ASIC2: variants seen among roughly 807,000 people sequenced by gnomAD.
ASIC2 encodes the protein acid-sensing ion channel 2.
Under a neutral mutation model 57.3 loss-of-function variants are expected in ASIC2, and 25 were observed. That is an observed-to-expected ratio of 0.44 (90% CI 0.32 to 0.61). The LOEUF (loss-of-function observed/expected upper bound fraction) is 0.61, where lower values mean the gene tolerates loss of function less well. ASIC2 is among the 20% of genes least tolerant of loss of function. ASIC2 has a pLI of 0.06. For synonymous variants in ASIC2, 319 were observed against 307.5 expected (o/e 1.04, Z -0.39); for missense variants, 641 against 738.1 (o/e 0.87, Z 1.52).
At chr17:33,922,692 A>C (rs1915732700) in intron 1 of ASIC2, among the ~76,000 whole-genome samples, 1 of 152,178 alleles carries the variant, frequency 6.6e-6, no homozygotes, top group Non-Finnish European at 1.5e-5. Context: ...AGCAATACTA[A>C]CCCCACCCCA....
At chr17:33,334,166 A>T (rs1047609888) in intron 1 of ASIC2, among the ~76,000 whole-genome samples, 1 of 152,212 alleles carries the variant, frequency 6.6e-6, no homozygotes, top group Non-Finnish European at 1.5e-5. Context: ...GGACTTCCAG[A>T]GTCTACATGT....
At chr17:34,015,989 T>G (rs902998940) in intron 1 of ASIC2, among the ~76,000 whole-genome samples, 3 of 152,244 alleles carry the variant, frequency 2.0e-5, no homozygotes, top group African/African-American at 7.2e-5. Flanking sequence ...AAACTCTTTT[T>G]ATATTGGACT....
chr17:33,145,096 A>T (rs766937625), intron 1 of ASIC2, among the ~76,000 whole-genome samples: 5 of 152,176 alleles, frequency 3.3e-5, no homozygotes, highest in Non-Finnish European at 7.3e-5. Flanking sequence ...ATTTATACAT[A>T]GTCTCTCAGC....
chr17:33,192,201 T>C (rs572592138), intron 1 of ASIC2, among the ~76,000 whole-genome samples: 1 of 152,186 alleles, frequency 6.6e-6, no homozygotes, highest in African/African-American at 2.4e-5. Context: ...GTCAACATGG[T>C]GAAACCTCAT....
chr17:33,269,130 C>T (rs1904343472), intron 1 of ASIC2, among the ~76,000 whole-genome samples: 1 of 152,166 alleles, frequency 6.6e-6, no homozygotes, highest in African/African-American at 2.4e-5. Flanking sequence ...TGGGTACTTG[C>T]TTTCCTGGGG....
In ASIC2 at chr17:33,219,469, T is replaced by C. The variant is rs1226895503; in HGVS notation, c.708+71939A>G. Among the ~76,000 whole-genome samples the C allele has an allele frequency of 3.3e-5, 5 of 152,202 alleles. No individual in the cohort carries two copies. In the East Asian group the frequency reaches 7.7e-4, roughly 23 times the overall value. On this transcript the variant is annotated intron_variant, in intron 1 of 9. Transcript: ENST00000225823. Reference sequence around the variant, plus strand: ...CACTCTCAGCATGTTATATCCATTATCTCCTTGAAGCCTTCCAACAACACT... The same window carrying C: ...CACTCTCAGCATGTTATATCCATTACCTCCTTGAAGCCTTCCAACAACACT...
intron 1 of ASIC2, among the ~76,000 whole-genome samples, chr17:33,889,206 G>C (rs546153366): frequency 5.9e-5 from 9 of 152,268 alleles, no homozygotes; most frequent in South Asian, 4.1e-4. Context: ...GAGCTGGAAG[G>C]CTCCTTGGAG....
intron 3 of ASIC2, among the ~76,000 whole-genome samples, chr17:33,040,814 C>T (rs1043062266): frequency 6.6e-6 from 1 of 152,188 alleles, no homozygotes; most frequent in Non-Finnish European, 1.5e-5. Context: ...CAAGATAGTG[C>T]TCAACCTGAT....
At chr17:33,578,983 G>C (rs16968621) in intron 1 of ASIC2, among the ~76,000 whole-genome samples, 14,060 of 152,052 alleles carry the variant, frequency 0.092, 1,333 homozygotes, top group African/African-American at 0.24. Context: ...CCTTGGAAGC[G>C]GTTATAGAAT....
intron 1 of ASIC2, among the ~76,000 whole-genome samples, chr17:33,676,461 G>T (rs7216008): frequency 0.045 from 6,843 of 152,302 alleles, 393 homozygotes; most frequent in African/African-American, 0.13. Flanking sequence ...TGTGAACACA[G>T]GAATAAGAAG....
chr17:33,866,481 A>T (rs1914241166), intron 1 of ASIC2, among the ~76,000 whole-genome samples: 1 of 152,130 alleles, frequency 6.6e-6, no homozygotes, highest in Admixed American at 6.5e-5. Flanking sequence ...ATCCTTGTAC[A>T]TTTATCTCTG....
At chr17:33,643,251 A>G (rs1342798211) in intron 1 of ASIC2, among the ~76,000 whole-genome samples, 1 of 151,992 alleles carries the variant, frequency 6.6e-6, no homozygotes, top group Non-Finnish European at 1.5e-5. Context: ...GTGATACATA[A>G]AATTTTGCAT....
At chr17:33,753,660 T>C (rs1203218997) in intron 1 of ASIC2, among the ~76,000 whole-genome samples, 2 of 152,220 alleles carry the variant, frequency 1.3e-5, no homozygotes, top group African/African-American at 4.8e-5. Context: ...GGAAGTGAGA[T>C]ACAGAAACAA....
Position 33,804,509 on chromosome 17 carries a change from C to T in ASIC2, c.555+351469G>A, listed in dbSNP as rs544977230. ...GTGAATGAGTGCAGGAAAAAAGAAC[C>T]AGAGGTTAAAGCAAAAGTCTCCGCC... On this transcript the variant is annotated intron_variant, in intron 1 of 9. Coordinates refer to the ASIC2 transcript ENST00000359872. Among the ~76,000 whole-genome samples, 4 of 152,260 alleles carry T rather than the reference C, an allele frequency of 2.6e-5. No individual in the cohort carries two copies. The South Asian group carries it at 8.3e-4, about 32-fold the overall frequency.
intron 1 of ASIC2, among the ~76,000 whole-genome samples, chr17:34,021,722 A>G (rs1476737661): frequency 6.6e-6 from 1 of 152,186 alleles, no homozygotes; most frequent in East Asian, 1.9e-4. Flanking sequence ...GTGTTAGGTC[A>G]CATAGGGACA....
chr17:33,337,114 T>C (rs1483754679), intron 1 of ASIC2, among the ~76,000 whole-genome samples: 2 of 152,144 alleles, frequency 1.3e-5, no homozygotes, highest in Non-Finnish European at 2.9e-5. Flanking sequence ...TGGAGATAAG[T>C]GGCCCCAGGG....
At chr17:33,805,090 C>T (rs1025830845) in intron 1 of ASIC2, among the ~76,000 whole-genome samples, 12 of 152,160 alleles carry the variant, frequency 7.9e-5, no homozygotes, top group Non-Finnish European at 1.8e-4. Context: ...AGAAGCAACA[C>T]CCCTCGACCT....
chr17:33,785,496 T>C (rs982569262), intron 1 of ASIC2, among the ~76,000 whole-genome samples: 1 of 152,204 alleles, frequency 6.6e-6, no homozygotes, highest in Non-Finnish European at 1.5e-5. Context: ...GGCTGGAATG[T>C]GGCTGAACCA....
intron 1 of ASIC2, among the ~76,000 whole-genome samples, chr17:33,363,048 G>A (rs939249900): frequency 2.0e-5 from 3 of 152,080 alleles, no homozygotes; most frequent in African/African-American, 7.2e-5. Context: ...ATTTAAAATT[G>A]GCAGTTGCCT....
Sources: gnomAD v4.1 joint callset for allele counts (sites outside exome capture counted in the v4.1 genomes callset) on GRCh38, gnomAD v4.1.1 for gene constraint, MANE v1.5 for transcripts, NCBI Gene and HGNC (gene_info 2026-07-23, HGNC 2026-07-21) for gene names.